The following MCC variants were observed in gnomAD, a reference collection of about 807,000 sequenced individuals.
The protein encoded by MCC is colorectal mutant cancer protein.
Under a neutral mutation model 116.2 loss-of-function variants are expected in MCC, and 90 were observed. The ratio of observed to expected loss-of-function variants is 0.77; its 90% CI spans 0.65 to 0.92. The LOEUF (loss-of-function observed/expected upper bound fraction) is 0.92. Ranked by LOEUF, MCC falls within the 40% of genes least tolerant of loss-of-function variation. The pLI is 0.00. For missense variants in MCC, 1,516 were observed against 1,312.2 expected, an observed-to-expected ratio of 1.16 and a Z score of -2.40; for synonymous variants, 578 against 510.5, an observed-to-expected ratio of 1.13 and a Z score of -1.78.
intron 2 of MCC, among the ~76,000 whole-genome samples, 189 bp from the exon 3 acceptor site, chr5:113,340,919 C>T (rs978977186): frequency 1.3e-5 from 2 of 152,130 alleles, no homozygotes; most frequent in African/African-American, 2.4e-5. Context: ...GAGATAAAAG[C>T]AATTTCAGGC....
At chr5:113,223,886 T>C (rs946909782) in intron 3 of MCC, among the ~76,000 whole-genome samples, 3 of 152,006 alleles carry the variant, frequency 2.0e-5, no homozygotes, top group African/African-American at 7.3e-5. Flanking sequence ...CCCACAAACC[T>C]TCTGTTCCAC....
intron 5 of MCC, among the ~76,000 whole-genome samples, chr5:113,138,696 G>C (rs144141060): frequency 7.4e-4 from 113 of 152,276 alleles, no homozygotes; most frequent in African/African-American, 2.6e-3. Flanking sequence ...GCTCTGACTT[G>C]TGAACCACAA....
intron 3 of MCC, among the ~76,000 whole-genome samples, chr5:113,180,764 T>C (rs951391099): frequency 7.2e-5 from 11 of 152,236 alleles, no homozygotes; most frequent in Non-Finnish European, 1.6e-4. Flanking sequence ...ATTAATGGCA[T>C]GTCTATCTGG....
At chr5:113,048,287 T>C (rs1474652179) in intron 16 of MCC, among the ~76,000 whole-genome samples, 1 of 152,060 alleles carries the variant, frequency 6.6e-6, no homozygotes, top group Non-Finnish European at 1.5e-5. Context: ...AAATATTAAA[T>C]GGGAAATTCT....
chr5:113,072,703 C>T (rs1305851254), intron 11 of MCC, among the ~76,000 whole-genome samples: 2 of 152,186 alleles, frequency 1.3e-5, no homozygotes, highest in Non-Finnish European at 2.9e-5. Context: ...TTGGGGCTGT[C>T]CCGGGGTCCC....
rs992916043 is a variant in MCC at position 113,026,237 on chromosome 5, G to A, written c.*1065C>T. 1.3e-5 allele frequency: 2 copies of A among 152,192 alleles called. No homozygotes were observed. The highest frequency in any genetic ancestry group is 6.5e-5 in the Admixed American group (1 of 15,274). The allele number at this position is 152,192 out of a possible 1,614,324, so 9.4% of individuals were successfully genotyped here. A position where few individuals can be genotyped will look rare whatever the true frequency, so the allele number is the denominator to read the frequency against. On this transcript the variant is annotated 3_prime_UTR_variant, in exon 19 of 19. Coordinates refer to ENST00000408903, the MANE Select transcript of MCC (RefSeq NM_001085377.2). ...ACTACCATTCCCTCACTCTGTCCCC[G>A]TCATGACAACAGGAGCTAAGTCTTG...
intron 3 of MCC, among the ~76,000 whole-genome samples, chr5:113,283,776 T>G (rs1301571757): frequency 6.6e-6 from 1 of 152,150 alleles, no homozygotes; most frequent in Admixed American, 6.5e-5. Flanking sequence ...AAAAATAAAT[T>G]CTTATTACTA....
intron 1 of MCC, among the ~76,000 whole-genome samples, chr5:113,460,142 C>T (rs1771705362): frequency 6.6e-6 from 1 of 152,174 alleles, no homozygotes; most frequent in Non-Finnish European, 1.5e-5. Context: ...CCCAAAACCT[C>T]CCAAGTGTTT....
chr5:113,095,334 C>T (rs180818739), intron 8 of MCC, among the ~76,000 whole-genome samples: 41 of 152,238 alleles, frequency 2.7e-4, no homozygotes, highest in Admixed American at 1.8e-3. Context: ...TTAACATCAA[C>T]GTAGACTTGG....
chr5:113,360,394 G>C (rs1768517126), intron 2 of MCC, among the ~76,000 whole-genome samples: 1 of 152,072 alleles, frequency 6.6e-6, no homozygotes, highest in Non-Finnish European at 1.5e-5. Flanking sequence ...ATTTTGGTTT[G>C]CTAGTATTTT....
At chr5:113,148,931 A>T (rs1759681550) in intron 4 of MCC, among the ~76,000 whole-genome samples, 2 of 152,218 alleles carry the variant, frequency 1.3e-5, no homozygotes, top group South Asian at 4.1e-4. Context: ...GACCACAGGT[A>T]AGTAAAAAAA....
At chr5:113,319,117 C>T (rs1468038881) in intron 3 of MCC, among the ~76,000 whole-genome samples, 2 of 152,186 alleles carry the variant, frequency 1.3e-5, no homozygotes, top group African/African-American at 2.4e-5. Context: ...ATTCACCCAC[C>T]TCAGCCACAC....
At chr5:113,306,810 A>G (rs778481916) in intron 3 of MCC, among the ~76,000 whole-genome samples, 4 of 151,902 alleles carry the variant, frequency 2.6e-5, no homozygotes, top group Non-Finnish European at 5.9e-5. Context: ...GGTCACAAAG[A>G]TTTACTCCTA....
intron 3 of MCC, among the ~76,000 whole-genome samples, chr5:113,268,055 T>C (rs1765481273): frequency 1.3e-5 from 2 of 152,170 alleles, no homozygotes; most frequent in Admixed American, 6.5e-5. Context: ...GCAAATTCTG[T>C]CACTATTGTA....
At chr5:113,413,516 A>C (rs1008271134) in intron 1 of MCC, among the ~76,000 whole-genome samples, 19 of 152,350 alleles carry the variant, frequency 1.2e-4, no homozygotes, top group Middle Eastern at 3.4e-3. Context: ...GTATGTGTCC[A>C]GGAATTTATC....
rs779467330 is a variant in MCC at position 113,143,310 on chromosome 5, C to T, written c.792G>A (p.Thr264=). The T allele has an allele frequency of 2.0e-5, 32 of 1,613,634 alleles. No homozygotes were observed. The highest frequency in any genetic ancestry group is 2.7e-5 in the African/African-American group (2 of 74,892). ...TGATGCGTTCCTCATAGCGAAGTGT[C>T]GTTCGCTCCTGGACATCCTCATGCT... The part of the protein sequence containing the change: ...MREHEDVQER[T]TLRYEERITE... Residue 264 remains threonine, a synonymous_variant, in exon 5 of 19, where the codon ACG becomes ACA. Coordinates refer to ENST00000408903, the MANE Select transcript of MCC (RefSeq NM_001085377.2).
chr5:113,193,715 G>T (rs1762253862), intron 3 of MCC, among the ~76,000 whole-genome samples: 1 of 152,074 alleles, frequency 6.6e-6, no homozygotes. Context: ...TCATAGCCTG[G>T]GATCCACTCA....
chr5:113,321,103 T>C (rs1767412984), intron 3 of MCC, among the ~76,000 whole-genome samples: 1 of 152,188 alleles, frequency 6.6e-6, no homozygotes, highest in African/African-American at 2.4e-5. Context: ...TCAGAGCAAC[T>C]GAAAATGCTA....
At chr5:113,057,879 G>T (rs1263213657) in intron 14 of MCC, among the ~76,000 whole-genome samples, 2 of 152,238 alleles carry the variant, frequency 1.3e-5, no homozygotes, top group Non-Finnish European at 2.9e-5. Context: ...TACAGACAGG[G>T]CTGAGGGTGG....
Sources: allele counts gnomAD v4.1 joint callset (sites outside exome capture counted in the v4.1 genomes callset), GRCh38; gene constraint gnomAD v4.1.1; transcripts MANE v1.5; gene names NCBI Gene and HGNC (gene_info 2026-07-23, HGNC 2026-07-21).